IFNLR1: variants seen among roughly 807,000 people sequenced by gnomAD.
The protein encoded by IFNLR1 is CRF2-12.
A neutral mutation model predicts 52.5 loss-of-function variants in IFNLR1; 28 were observed. The ratio of observed to expected loss-of-function variants is 0.53; its 90% CI spans 0.40 to 0.73. The LOEUF (loss-of-function observed/expected upper bound fraction) is 0.73, where lower values mean the gene tolerates loss of function less well. Among genes scored for constraint, IFNLR1 ranks in the 30% least tolerant of loss-of-function variants. The probability of loss-of-function intolerance (pLI) is 0.00; values close to 1 mark genes in which losing one functional copy is unlikely to be tolerated. For synonymous variants in IFNLR1, 276 were observed against 274.9 expected (o/e 1.00, Z -0.04); for missense variants, 623 against 659.1 (o/e 0.95, Z 0.60).
At chr1:24,186,098 A>C (rs1644735547) in intron 1 of IFNLR1, among the ~76,000 whole-genome samples, 1 of 152,046 alleles carries the variant, frequency 6.6e-6, no homozygotes, top group African/African-American at 2.4e-5. Flanking sequence ...TGACAGTGAA[A>C]GGGGAACAGA....
At position 24,161,638 on chromosome 1, in the gene IFNLR1, G is replaced by A. The variant is rs747986414; in HGVS notation, c.414C>T (p.Ile138=). The part of the protein sequence containing the change: ...PVLVLTQTEE[I]LSANATYQLP... Reference sequence around the variant, plus strand: ...GCTGGTACGTGGCATTGGCACTCAGGATCTCCTCCGTCTGGGTGAGCACCA... The same window carrying A: ...GCTGGTACGTGGCATTGGCACTCAGAATCTCCTCCGTCTGGGTGAGCACCA... The change falls in exon 4 of 7, where the codon ATC becomes ATT. Residue 138 remains isoleucine (I), a synonymous_variant. Transcript: ENST00000327535. 1.3e-6 allele frequency: 2 copies of A among 1,543,692 alleles called. No homozygotes were observed. The highest frequency in any genetic ancestry group is 2.0e-5 in the Admixed American group (1 of 50,512).
intron 3 of IFNLR1, among the ~76,000 whole-genome samples, chr1:24,166,188 TCCA>T (rs1484127945): frequency 6.6e-6 from 1 of 151,722 alleles, no homozygotes; most frequent in African/African-American, 2.4e-5. Context: ...CATCCATCCA[TCCA>T]TCCATCCATC....
chr1:24,162,055 A>C (rs1366843273), intron 3 of IFNLR1, among the ~76,000 whole-genome samples: 1 of 152,120 alleles, frequency 6.6e-6, no homozygotes, highest in Non-Finnish European at 1.5e-5. Context: ...CCACACACAC[A>C]GTGCCTTAAA....
intron 3 of IFNLR1, among the ~76,000 whole-genome samples, chr1:24,162,868 T>TTCCTTCCTTCCTTCC: frequency 1.7e-5 from 1 of 58,042 alleles, no homozygotes; most frequent in South Asian, 7.2e-4. Flanking sequence ...TCTTTCTTTC[T>TTCCTTCCTTCCTTCC]TTCTTTCTTT....
At chr1:24,164,238 T>C (rs1644495132) in intron 3 of IFNLR1, among the ~76,000 whole-genome samples, 1 of 152,212 alleles carries the variant, frequency 6.6e-6, no homozygotes, top group African/African-American at 2.4e-5. Flanking sequence ...AGAATTCTCT[T>C]TCGCTCTTAG....
At position 24,157,198 on chromosome 1, in the gene IFNLR1, A is replaced by C; in HGVS notation, c.1495T>G (p.Trp499Gly). The change falls in exon 7 of 7, where the codon TGG (tryptophan) becomes GGG (glycine). Residue 499 changes from tryptophan (W) to glycine (G), a missense_variant. Transcript: ENST00000327535. This position sits in a 1 kb window ranked among gnomAD's most constrained non-coding sequence, Gnocchi z 5.1. ...GTCCTCTGGGTGCTCTCAGCCCCCC[A>C]GCTGCCCGCATCGCTGTCCTCAATT... The part of the protein sequence containing the change: ...SEIEDSDAGS[W>G]GAESTQRTED... The C allele has an allele frequency of 6.2e-7, 1 of 1,614,078 alleles. No individual in the cohort carries two copies. The highest frequency in any genetic ancestry group is 8.5e-7 in the Non-Finnish European group (1 of 1,179,994).
chr1:24,180,227 G>A (rs1031588904), intron 2 of IFNLR1, among the ~76,000 whole-genome samples: 11 of 151,752 alleles, frequency 7.2e-5, no homozygotes, highest in Admixed American at 2.0e-4. Context: ...AACCCAGGAG[G>A]TGGAGGTTGC....
intron 2 of IFNLR1, among the ~76,000 whole-genome samples, chr1:24,180,034 C>T (rs769732066): frequency 4.6e-5 from 7 of 152,176 alleles, no homozygotes; most frequent in Non-Finnish European, 1.0e-4. Flanking sequence ...CGGTGGCTTA[C>T]GCCTGTAATC....
At chr1:24,178,102 T>C (rs1014466702) in intron 2 of IFNLR1, among the ~76,000 whole-genome samples, 5 of 152,010 alleles carry the variant, frequency 3.3e-5, no homozygotes, top group African/African-American at 9.7e-5. Flanking sequence ...CTGGCCAACA[T>C]GGTGAAACCC....
intron 2 of IFNLR1, 83 bp downstream of exon 2, chr1:24,180,648 G>C (rs556449076): frequency 1.4e-6 from 2 of 1,389,694 alleles, no homozygotes; most frequent in African/African-American, 2.8e-5. Context: ...CCCACACTGG[G>C]TGCAGCTGTC....
intron 3 of IFNLR1, among the ~76,000 whole-genome samples, chr1:24,163,318 G>T (rs528420004): frequency 6.6e-6 from 1 of 152,050 alleles, no homozygotes; most frequent in Non-Finnish European, 1.5e-5. Context: ...ATTCATGGGG[G>T]CAGCGTTCTT....
rs763201448 is a variant in IFNLR1 at position 24,157,118 on chromosome 1, T to C, written c.*12A>G. On this transcript the variant is annotated 3_prime_UTR_variant, in exon 7 of 7. Transcript: ENST00000327535. The surrounding 1 kb of genome is among the most constrained non-coding windows in gnomAD (Gnocchi z 5.1). The stretch of plus-strand genomic sequence containing the variant: ...CAGCAGCATCAGATTCGGTGGGATG[T>C]CGGGGGACAGCTCACCTGGCCATGT... 6.3e-7 allele frequency: 1 copy of C among 1,594,512 alleles called. No homozygotes were observed. The highest frequency in any genetic ancestry group is 8.5e-7 in the Non-Finnish European group (1 of 1,171,462).
Position 24,157,394 on chromosome 1 carries a change from G to A in IFNLR1, c.1299C>T (p.Asp433=). The part of the protein sequence containing the change: ...ESLPPPEFSK[D]SGFLEELPED... The stretch of plus-strand genomic sequence containing the variant: ...CTGGGAGCTCTTCCAGGAAACCCGA[G>A]TCCTTGGAGAATTCAGGTGGTGGGA... Residue 433 remains aspartate (D), a synonymous_variant, in exon 7 of 7, where the codon GAC becomes GAT. Coordinates refer to ENST00000327535, the MANE Select transcript of IFNLR1 (RefSeq NM_170743.4). The surrounding 1 kb of genome is among the most constrained non-coding windows in gnomAD (Gnocchi z 5.1). The A allele has an allele frequency of 6.2e-7, 1 of 1,614,212 alleles. No individual in the cohort carries two copies. The highest frequency in any genetic ancestry group is 8.5e-7 in the Non-Finnish European group (1 of 1,180,048).
chr1:24,161,965 C>T (rs907247969), intron 3 of IFNLR1, among the ~76,000 whole-genome samples: 9 of 152,310 alleles, frequency 5.9e-5, no homozygotes, highest in African/African-American at 1.9e-4. Flanking sequence ...ATCCCATCCG[C>T]CTGGGTGCCC....
Position 24,175,259 on chromosome 1 carries a change from G to A in IFNLR1, c.182+5472C>T, listed in dbSNP as rs1264880631. 6.6e-5 allele frequency among the ~76,000 whole-genome samples: 10 copies of A among 152,354 alleles called. No homozygotes were observed. In the East Asian group the frequency reaches 1.7e-3, roughly 26 times the overall value. On this transcript the variant is annotated intron_variant, in intron 2 of 6. Transcript: ENST00000327535. ...CTTAGTTTCAGCAGGCTAGGCTGCT[G>A]CTAACCAGTGACTCGAGGGTAGGGT... is the stretch of plus-strand genomic sequence containing the variant.
chr1:24,163,035 A>T (rs552971822), intron 3 of IFNLR1, among the ~76,000 whole-genome samples: 1 of 133,868 alleles, frequency 7.5e-6, no homozygotes, highest in East Asian at 2.3e-4. Context: ...ATCTCAGCTC[A>T]CTGCAACCTC....
Position 24,159,117 on chromosome 1 carries a change from C to A in IFNLR1, c.736G>T (p.Gly246Cys), listed in dbSNP as rs770199829. The change falls in exon 6 of 7, where the codon GGT becomes TGT. Residue 246 changes from glycine to cysteine, a missense_variant. By Grantham distance (159) the Gly-to-Cys change is radical (BLOSUM62 -3). Transcript: ENST00000327535. ...LILLLVIAAG[G>C]VIWKTLMGNP... ...CCCATGAGGGTCTTCCAGATCACAC[C>A]CCCTGCGGCAATTACTAACAGCAGT... The A allele has an allele frequency of 2.5e-6, 4 of 1,614,142 alleles. No homozygotes were observed. In the Admixed American group the frequency reaches 6.7e-5, roughly 27 times the overall value.
At chr1:24,158,458 C>T (rs1256468766) in intron 6 of IFNLR1, among the ~76,000 whole-genome samples, 3 of 152,212 alleles carry the variant, frequency 2.0e-5, no homozygotes, top group Admixed American at 2.0e-4. Context: ...CTTTGCCACC[C>T]TGCCACGATG....
intron 1 of IFNLR1, among the ~76,000 whole-genome samples, chr1:24,185,042 T>C (rs1569709613): frequency 6.6e-6 from 1 of 151,834 alleles, no homozygotes; most frequent in African/African-American, 2.4e-5. Context: ...AAAATAATAA[T>C]AATAATAATA....
Sources: gnomAD v4.1 joint callset for allele counts (sites outside exome capture counted in the v4.1 genomes callset) on GRCh38, gnomAD v4.1.1 for gene constraint, Gnocchi (gnomAD v3.1) non-coding constraint, MANE v1.5 for transcripts, NCBI Gene and HGNC (gene_info 2026-07-23, HGNC 2026-07-21) for gene names.